Variants in DLG2 observed in about 807,000 individuals in gnomAD.
The protein encoded by DLG2 is discs large MAGUK scaffold protein 2.
A neutral mutation model predicts 132.5 loss-of-function variants in DLG2; 45 were observed. The ratio of observed to expected loss-of-function variants is 0.34; its 90% confidence interval spans 0.27 to 0.44. DLG2 has a LOEUF of 0.44. Among genes scored for constraint, DLG2 ranks in the 20% least tolerant of loss-of-function variants. The pLI, the probability that DLG2 is intolerant of heterozygous loss-of-function variation, is 1.00. For missense variants in DLG2, 1,045 were observed against 1,196.9 expected, an observed-to-expected ratio of 0.87 and a Z score of 1.87; for synonymous variants, 424 against 419.6, an observed-to-expected ratio of 1.01 and a Z score of -0.13.
intron 4 of DLG2, among the ~76,000 whole-genome samples, chr11:85,235,494 TTTTG>T (rs1229312433): frequency 9.9e-5 from 15 of 151,994 alleles, no homozygotes; most frequent in African/African-American, 3.4e-4. Context: ...CAAAATTCAT[TTTTG>T]TTTATGTTGT....
At chr11:84,520,707 G>T (rs1027215747) in intron 7 of DLG2, among the ~76,000 whole-genome samples, 1 of 152,166 alleles carries the variant, frequency 6.6e-6, no homozygotes, top group Non-Finnish European at 1.5e-5. Context: ...GGAAAATAGG[G>T]ACTAGGGAAA....
intron 17 of DLG2, 139 bp downstream of exon 17, chr11:83,833,475 G>A: frequency 1.4e-5 from 12 of 880,578 alleles, no homozygotes; most frequent in Non-Finnish European, 2.0e-5. Context: ...ACAAAATTGT[G>A]ACATGCACCA....
At chr11:84,181,539 A>G (rs1482621239) in intron 8 of DLG2, among the ~76,000 whole-genome samples, 1 of 152,100 alleles carries the variant, frequency 6.6e-6, no homozygotes, top group East Asian at 1.9e-4. Flanking sequence ...ATCACTTTAA[A>G]TATCAATGGT....
chr11:83,991,667 A>T (rs2093720771), intron 11 of DLG2, among the ~76,000 whole-genome samples: 1 of 151,922 alleles, frequency 6.6e-6, no homozygotes, highest in African/African-American at 2.4e-5. Context: ...TTACCATAAT[A>T]ACTGAAGTTT....
At chr11:84,982,082 T>C (rs983953167) in intron 6 of DLG2, among the ~76,000 whole-genome samples, 4 of 152,214 alleles carry the variant, frequency 2.6e-5, no homozygotes, top group African/African-American at 9.6e-5. Context: ...CCTATTTCTC[T>C]GGCTGCTAAA....
At chr11:84,553,578 G>A (rs1048068056) in intron 6 of DLG2, among the ~76,000 whole-genome samples, 1 of 152,088 alleles carries the variant, frequency 6.6e-6, no homozygotes, top group African/African-American at 2.4e-5. Flanking sequence ...CTTAAAGAAC[G>A]GAAAGGTATG....
intron 6 of DLG2, among the ~76,000 whole-genome samples, chr11:84,864,145 A>C (rs1397327043): frequency 1.3e-5 from 2 of 152,206 alleles, no homozygotes; most frequent in African/African-American, 2.4e-5. Flanking sequence ...CAATTCTCTG[A>C]CTACATGTTT....
At chr11:83,588,713 A>G (rs920325317) in intron 19 of DLG2, among the ~76,000 whole-genome samples, 96 of 151,918 alleles carry the variant, frequency 6.3e-4, no homozygotes, top group Admixed American at 2.6e-3. Context: ...GGACATTCAA[A>G]CCAAATGCAA....
rs114396196 is a variant in DLG2, at chr11:84,842,671, C to T, written c.357+268990G>A. Among the ~76,000 whole-genome samples, 770 of 151,696 alleles carry T rather than the reference C, an allele frequency of 5.1e-3. 13 individuals carry two copies. Among genetic ancestry groups the T allele is most frequent in the African/African-American group, 0.018 (744 of 41,396 alleles). On this transcript the variant is annotated intron_variant, in intron 6 of 27. Coordinates refer to ENST00000376104, the MANE Select transcript of DLG2 (RefSeq NM_001142699.3). ...GTGCCATTTCCACAGAAAGGTTGTG[C>T]GTAGTAGTAGGAGGATCTAAATAAA...
chr11:85,379,181 G>T (rs187548847), intron 3 of DLG2, among the ~76,000 whole-genome samples: 2 of 152,256 alleles, frequency 1.3e-5, no homozygotes, highest in East Asian at 3.9e-4. Flanking sequence ...ATGCGGAGAA[G>T]AGTGGGATGA....
At chr11:83,606,296 G>T (rs186401742) in intron 19 of DLG2, among the ~76,000 whole-genome samples, 7 of 152,196 alleles carry the variant, frequency 4.6e-5, no homozygotes, top group Admixed American at 2.0e-4. Context: ...AGTCAGTAAA[G>T]AAATTTTAAA....
chr11:84,456,842 G>A (rs2099066772), intron 7 of DLG2, among the ~76,000 whole-genome samples: 1 of 151,236 alleles, frequency 6.6e-6, no homozygotes. Flanking sequence ...AAGGATGCTT[G>A]ATGTATTGTA....
intron 3 of DLG2, among the ~76,000 whole-genome samples, chr11:85,302,047 A>C (rs1042386939): frequency 1.3e-5 from 2 of 152,222 alleles, no homozygotes; most frequent in African/African-American, 4.8e-5. Context: ...ATGAGGTCAG[A>C]CTGTCATGGG....
intron 3 of DLG2, among the ~76,000 whole-genome samples, chr11:85,528,859 G>A (rs1425435349): frequency 2.0e-5 from 3 of 152,086 alleles, no homozygotes; most frequent in Admixed American, 6.6e-5. Flanking sequence ...CTGTTTCTAA[G>A]CATATAACTA....
At position 83,753,823 on chromosome 11, in the gene DLG2, T is replaced by A. The variant is rs568308092; in HGVS notation, c.1825+32867A>T. Reference sequence around the variant, plus strand: ...ATATCATATATATCATATATATATTTCATATATATATGATATATATCATAT... The same window carrying A: ...ATATCATATATATCATATATATATTACATATATATATGATATATATCATAT... On this transcript the variant is annotated intron_variant, in intron 18 of 27. Transcript: ENST00000376104. 7.2e-5 allele frequency among the ~76,000 whole-genome samples: 5 copies of A among 69,436 alleles called. 1 individual carries two copies. Among genetic ancestry groups the A allele is most frequent in the African/African-American group, 2.3e-4 (2 of 8,512 alleles). 45.6% of individuals were successfully genotyped at this position (69,436 alleles called of 152,430 possible).
intron 11 of DLG2, among the ~76,000 whole-genome samples, chr11:84,002,857 G>T (rs1346134527): frequency 6.6e-6 from 1 of 152,078 alleles, no homozygotes; most frequent in African/African-American, 2.4e-5. Context: ...TCAGAAAATT[G>T]TTTTATCTTT....
chr11:84,979,593 G>C (rs1361807210), intron 6 of DLG2, among the ~76,000 whole-genome samples: 1 of 151,998 alleles, frequency 6.6e-6, no homozygotes, highest in Non-Finnish European at 1.5e-5. Context: ...ACTCATAGGT[G>C]GGAACTGAAC....
intron 6 of DLG2, among the ~76,000 whole-genome samples, chr11:84,745,278 G>T (rs188742912): frequency 2.0e-5 from 3 of 152,144 alleles, no homozygotes; most frequent in Admixed American, 6.5e-5. Context: ...TCATGGGGAT[G>T]GTTTCTTATA....
At chr11:83,757,489 C>T (rs537804619) in intron 18 of DLG2, among the ~76,000 whole-genome samples, 2 of 152,260 alleles carry the variant, frequency 1.3e-5, no homozygotes, top group South Asian at 2.1e-4. Flanking sequence ...GATCCAAGAT[C>T]GCCACTCAAT....
Sources: gnomAD v4.1 joint callset for allele counts (sites outside exome capture counted in the v4.1 genomes callset) on GRCh38, gnomAD v4.1.1 for gene constraint, MANE v1.5 for transcripts, NCBI Gene and HGNC (gene_info 2026-07-23, HGNC 2026-07-21) for gene names.